CSMD3: variants seen among roughly 807,000 people sequenced by gnomAD.
CSMD3 encodes CUB and Sushi multiple domains 3.
A neutral mutation model predicts 435.2 loss-of-function variants in CSMD3; 177 were observed. The ratio of observed to expected loss-of-function variants is 0.41; its 90% CI spans 0.36 to 0.46. CSMD3 has a LOEUF of 0.46. Among genes scored for constraint, CSMD3 ranks in the 20% least tolerant of loss-of-function variants. CSMD3 has a pLI of 0.34. For missense variants in CSMD3, 4,265 were observed against 4,504.6 expected (o/e 0.95, Z 1.52); for synonymous variants, 1,656 against 1,520.5 (o/e 1.09, Z -2.07).
intron 10 of CSMD3, among the ~76,000 whole-genome samples, chr8:112,878,099 G>T (rs2130155250): frequency 6.6e-6 from 1 of 152,244 alleles, no homozygotes; most frequent in South Asian, 2.1e-4. Flanking sequence ...CTTCTGCACA[G>T]CAAAAGAAAC....
intron 28 of CSMD3, among the ~76,000 whole-genome samples, chr8:112,512,408 G>A (rs980535806): frequency 7.2e-5 from 11 of 152,040 alleles, no homozygotes; most frequent in Admixed American, 7.2e-4. Flanking sequence ...AGAGCTTTTG[G>A]GTGAACAAAA....
intron 3 of CSMD3, among the ~76,000 whole-genome samples, chr8:113,274,904 TAA>T (rs2093557798): frequency 6.8e-6 from 1 of 146,328 alleles, no homozygotes; most frequent in Admixed American, 6.8e-5. Flanking sequence ...GGCAGAGAAA[TAA>T]AGAGAGAGAG....
At chr8:112,594,156 T>C (rs1302015211) in intron 22 of CSMD3, among the ~76,000 whole-genome samples, 1 of 152,030 alleles carries the variant, frequency 6.6e-6, no homozygotes, top group Non-Finnish European at 1.5e-5. Flanking sequence ...GGTCAGTGGG[T>C]GCACGCACCG....
chr8:113,087,924 C>A (rs1443305539), intron 5 of CSMD3, among the ~76,000 whole-genome samples: 4 of 151,742 alleles, frequency 2.6e-5, no homozygotes, highest in Non-Finnish European at 4.4e-5. Flanking sequence ...GAACAGGCAA[C>A]CTACAAAATG....
chr8:112,468,097 T>C (rs1389563688), intron 32 of CSMD3, among the ~76,000 whole-genome samples: 1 of 152,210 alleles, frequency 6.6e-6, no homozygotes, highest in Non-Finnish European at 1.5e-5. Context: ...ATTCCAACAA[T>C]ATTTCATGTG....
chr8:112,688,057 A>G lies in CSMD3; in HGVS notation c.2155+1811T>C, dbSNP rs1365730893. 2.0e-5 allele frequency among the ~76,000 whole-genome samples: 3 copies of G among 152,164 alleles called. No individual in the cohort carries two copies. The East Asian group carries it at 5.8e-4, about 29-fold the overall frequency. On this transcript the variant is annotated intron_variant, in intron 14 of 70. Coordinates refer to ENST00000297405, the MANE Select transcript of CSMD3 (RefSeq NM_198123.2). ...AAACCATACGATCTCCTTTGCAACT[A>G]TTTAATTCTGCAATTGTAGCTGGAA... is the stretch of plus-strand genomic sequence containing the variant.
chr8:112,605,170 C>T (rs1411673729), intron 22 of CSMD3, among the ~76,000 whole-genome samples: 1 of 152,104 alleles, frequency 6.6e-6, no homozygotes, highest in Non-Finnish European at 1.5e-5. Flanking sequence ...AATGCTTATA[C>T]ATTGCTGGTG....
chr8:112,765,169 A>G (rs983212709), intron 13 of CSMD3, among the ~76,000 whole-genome samples: 1 of 151,730 alleles, frequency 6.6e-6, no homozygotes, highest in African/African-American at 2.4e-5. Flanking sequence ...GGTCAGAATT[A>G]TATTTCAGAT....
At chr8:112,810,118 AG>A (rs1324234872) in intron 12 of CSMD3, among the ~76,000 whole-genome samples, 1 of 152,154 alleles carries the variant, frequency 6.6e-6, no homozygotes, top group South Asian at 2.1e-4. Context: ...CAATAGTTTT[AG>A]GAAAAGTCTT....
chr8:112,320,026 A>G (rs373899556), intron 45 of CSMD3, 45 bp from the exon 46 acceptor site: 3 of 1,225,502 alleles, frequency 2.4e-6, no homozygotes, highest in Admixed American at 1.7e-5. Context: ...GTGCAGCTAC[A>G]TGTATTCACA....
intron 3 of CSMD3, among the ~76,000 whole-genome samples, chr8:113,199,819 T>TA (rs938548639): frequency 1.5e-4 from 23 of 151,916 alleles, no homozygotes; most frequent in African/African-American, 5.1e-4. Context: ...TGGAATACAT[T>TA]AAAAAAATGA....
chr8:113,417,452 T>C (rs993704923), intron 1 of CSMD3, among the ~76,000 whole-genome samples: 2 of 151,924 alleles, frequency 1.3e-5, no homozygotes, highest in Admixed American at 1.3e-4. Flanking sequence ...TTGTGAAAGA[T>C]AATTTTATAT....
intron 12 of CSMD3, among the ~76,000 whole-genome samples, chr8:112,804,257 G>C (rs952950706): frequency 5.3e-5 from 8 of 151,976 alleles, no homozygotes; most frequent in African/African-American, 1.9e-4. Context: ...AGGATGGCAA[G>C]GACAGATTCA....
intron 3 of CSMD3, among the ~76,000 whole-genome samples, chr8:113,192,230 C>A (rs1373974198): frequency 6.6e-6 from 1 of 151,648 alleles, no homozygotes. Context: ...AAAACCAAAG[C>A]CATTCTGAAT....
intron 13 of CSMD3, among the ~76,000 whole-genome samples, chr8:112,789,935 T>C (rs939941556): frequency 3.3e-5 from 5 of 152,010 alleles, no homozygotes; most frequent in Non-Finnish European, 7.4e-5. Flanking sequence ...TCCTGACAGA[T>C]ATTTATTATT....
intron 3 of CSMD3, among the ~76,000 whole-genome samples, chr8:113,192,508 A>G (rs893382246): frequency 7.3e-5 from 11 of 151,600 alleles, no homozygotes; most frequent in African/African-American, 2.7e-4. Context: ...CCTTTCAAAA[A>G]TGCCTATTAT....
chr8:112,815,161 G>C (rs572136634), intron 12 of CSMD3, among the ~76,000 whole-genome samples: 1 of 151,866 alleles, frequency 6.6e-6, no homozygotes, highest in East Asian at 1.9e-4. Context: ...GGCCAATGCA[G>C]TGGAAGAATA....
chr8:112,227,285 A>G (rs1049495110), intron 70 of CSMD3, among the ~76,000 whole-genome samples: 3 of 152,216 alleles, frequency 2.0e-5, no homozygotes, highest in Non-Finnish European at 4.4e-5. Context: ...ATTTGAAAAC[A>G]TTTTGCTAAG....
Position 113,225,346 on chromosome 8 carries a change from C to T in CSMD3, c.515-51430G>A, listed in dbSNP as rs1034049632. ...GTTCTTCTCTTGTCCACTAGTGTTACCTTTTAGTTTAATTTATTGTTTCTG... is the reference window on the plus strand; with the variant it reads ...GTTCTTCTCTTGTCCACTAGTGTTATCTTTTAGTTTAATTTATTGTTTCTG... On this transcript the variant is annotated intron_variant, in intron 3 of 70. Coordinates refer to ENST00000297405, the MANE Select transcript of CSMD3 (RefSeq NM_198123.2). 1.1e-4 allele frequency among the ~76,000 whole-genome samples: 16 copies of T among 151,362 alleles called. No individual in the cohort carries two copies. In the Admixed American group the frequency reaches 1.1e-3, roughly 10 times the overall value.
Sources: allele counts gnomAD v4.1 joint callset (sites outside exome capture counted in the v4.1 genomes callset), GRCh38; gene constraint gnomAD v4.1.1; transcripts MANE v1.5; gene names NCBI Gene and HGNC (gene_info 2026-07-23, HGNC 2026-07-21).